Variants in ANKAR observed in about 807,000 individuals in gnomAD.
ANKAR encodes ankyrin and armadillo repeat-containing protein.
A neutral mutation model predicts 146.2 loss-of-function variants in ANKAR; 136 were observed. The ratio of observed to expected loss-of-function variants is 0.93; its 90% CI spans 0.81 to 1.07. The LOEUF (loss-of-function observed/expected upper bound fraction) is 1.07, where lower values mean the gene tolerates loss of function less well. Among genes scored for constraint, ANKAR ranks in the 50% least tolerant of loss-of-function variants. The pLI, the probability that ANKAR is intolerant of heterozygous loss-of-function variation, is 0.00. For missense variants in ANKAR, 1,567 were observed against 1,679.9 expected, an observed-to-expected ratio of 0.93 and a Z score of 1.18; for synonymous variants, 500 against 575.8, an observed-to-expected ratio of 0.87 and a Z score of 1.88.
chr2:189,750,100 C>T (rs183559823), downstream of ANKAR, among the ~76,000 whole-genome samples: 1 of 152,068 alleles, frequency 6.6e-6, no homozygotes, highest in South Asian at 2.1e-4. Flanking sequence ...GCAATCCAGC[C>T]TGGGTGACAG....
chr2:189,734,694 G>A (rs2042686941), intron 17 of ANKAR, among the ~76,000 whole-genome samples: 1 of 152,090 alleles, frequency 6.6e-6, no homozygotes, highest in Non-Finnish European at 1.5e-5. Flanking sequence ...AAAGAGAAGT[G>A]CTGCTATAAA....
chr2:189,704,345 A>T (rs565368842), intron 7 of ANKAR, among the ~76,000 whole-genome samples: 1 of 150,594 alleles, frequency 6.6e-6, no homozygotes, highest in Non-Finnish European at 1.5e-5. Flanking sequence ...CAGTTTCACC[A>T]TGTTGGCCAG....
Position 189,733,094 on chromosome 2 carries a change from A to G in ANKAR, c.3301-13A>G, listed in dbSNP as rs773861289. ...CATAATTGAAAAGTAATTTCTGAAA[A>G]CCACATGTTTAGGTTGAAGTGGCAT... is the stretch of plus-strand genomic sequence containing the variant. On this transcript the variant is annotated splice_polypyrimidine_tract_variant and intron_variant, in intron 16 of 22. Coordinates refer to ENST00000684021, the MANE Select transcript of ANKAR (RefSeq NM_001378068.1). The G allele has an allele frequency of 2.5e-6, 4 of 1,592,522 alleles. No individual in the cohort carries two copies. The highest frequency in any genetic ancestry group is 3.4e-6 in the Non-Finnish European group (4 of 1,171,340).
intron 19 of ANKAR, among the ~76,000 whole-genome samples, chr2:189,740,086 C>T (rs2043188688): frequency 6.6e-6 from 1 of 152,096 alleles, no homozygotes; most frequent in Non-Finnish European, 1.5e-5. Flanking sequence ...GACATGGTTT[C>T]CAGAAGATGC....
At chr2:189,693,235 A>G (rs1049842311) in intron 5 of ANKAR, 58 bp downstream of exon 5, 3 of 1,095,256 alleles carry the variant, frequency 2.7e-6, no homozygotes, top group Non-Finnish European at 2.7e-6. Flanking sequence ...GTTAGTAGAG[A>G]ACAAAGAAAA....
chr2:189,753,097 G>T, intron 18 of ANKAR: 1 of 889,948 alleles, frequency 1.1e-6, no homozygotes, highest in Non-Finnish European at 1.6e-6. Flanking sequence ...TTTTGAGATG[G>T]GTAATGGGCA....
chr2:189,721,532 T>C (rs1444715563), intron 12 of ANKAR, among the ~76,000 whole-genome samples: 1 of 152,166 alleles, frequency 6.6e-6, no homozygotes. Flanking sequence ...TGTTAGATAT[T>C]TGACGTCAAA....
At position 189,752,277 on chromosome 2, in the gene ANKAR, C is replaced by T. The variant is rs537909863; in HGVS notation, c.*584+7489C>T. ...TGTGTAAGAGCATAATCACAACCCA[C>T]TCTCACACCTGAATGCTTTCTGCAT... On this transcript the variant is annotated intron_variant and NMD_transcript_variant, in intron 18 of 18. Coordinates refer to the ANKAR transcript ENST00000441800. Among the ~76,000 whole-genome samples, 710 of 152,338 alleles carry T rather than the reference C, an allele frequency of 4.7e-3. 7 individuals carry two copies. Among genetic ancestry groups the T allele is most frequent in the South Asian group, 9.5e-3 (46 of 4,826 alleles).
Position 189,696,209 on chromosome 2 carries a change from A to G in ANKAR, c.1548A>G (p.Thr516=). 6.2e-7 allele frequency: 1 copy of G among 1,614,056 alleles called. No individual in the cohort carries two copies. Among genetic ancestry groups the G allele is most frequent in the Non-Finnish European group, 8.5e-7 (1 of 1,179,992 alleles). Residue 516 remains threonine (T), a synonymous_variant, in exon 7 of 23, where the codon ACA becomes ACG. Transcript: ENST00000684021. ...VERGLSAVFH[T]FSRKTSSSTI... The stretch of plus-strand genomic sequence containing the variant: ...GAGGGTTGTCTGCAGTTTTCCACAC[A>G]TTTAGCCGTAAAACCTCAAGCTCAA...
intron 20 of ANKAR, among the ~76,000 whole-genome samples, chr2:189,742,905 G>GACACAC (rs397987025): frequency 5.7e-4 from 19 of 33,500 alleles, no homozygotes; most frequent in East Asian, 1.9e-3. Context: ...AGAATTACCT[G>GACACAC]ACACACACAC....
chr2:189,693,407 T>G (rs1021909902), intron 5 of ANKAR, among the ~76,000 whole-genome samples: 1 of 152,348 alleles, frequency 6.6e-6, no homozygotes, highest in East Asian at 1.9e-4. Flanking sequence ...TAATTAGTTC[T>G]TATAATTAAC....
chr2:189,720,598 A>AT lies in ANKAR; in HGVS notation c.2467-13dup, dbSNP rs759051107. 1.6e-4 allele frequency: 205 copies of AT among 1,309,564 alleles called. No homozygotes were observed. The African/African-American group carries it at 1.9e-3, about 12-fold the overall frequency. 81.1% of individuals were successfully genotyped at this position (1,309,564 alleles called of 1,614,324 possible). On this transcript the variant is annotated intron_variant, in intron 11 of 22. Coordinates refer to ENST00000684021, the MANE Select transcript of ANKAR (RefSeq NM_001378068.1). ...TTTATCTTAAACAAATTCAAATGTA[A>AT]TTTTTTTTGTTTATTTTTAGAATGG... is the stretch of plus-strand genomic sequence containing the variant.
At chr2:189,754,548 G>A in intron 18 of ANKAR, 2 of 527,154 alleles carry the variant, frequency 3.8e-6, no homozygotes, top group Non-Finnish European at 6.6e-6. Flanking sequence ...ACAATAAGAG[G>A]CCAATCACTG....
chr2:189,680,642 G>A (rs566225856), intron 2 of ANKAR, among the ~76,000 whole-genome samples: 7 of 151,830 alleles, frequency 4.6e-5, no homozygotes, highest in South Asian at 2.1e-4. Context: ...CACTATTATC[G>A]TTTGGTTCAA....
At chr2:189,728,896 T>C in intron 15 of ANKAR, 75 bp downstream of exon 15, 1 of 1,354,420 alleles carries the variant, frequency 7.4e-7, no homozygotes, top group South Asian at 1.4e-5. Context: ...TGGAAATTAA[T>C]CTCTCTTCCT....
chr2:189,760,824 A>G (rs1559177256), intron 18 of ANKAR, among the ~76,000 whole-genome samples: 1 of 152,020 alleles, frequency 6.6e-6, no homozygotes, highest in Non-Finnish European at 1.5e-5. Context: ...CTGGATTTCC[A>G]TTTTCCCTTG....
At chr2:189,704,887 T>C (rs2038709283) in intron 7 of ANKAR, 136 bp from the exon 8 acceptor site, 1 of 655,574 alleles carries the variant, frequency 1.5e-6, no homozygotes, top group East Asian at 2.9e-5. Flanking sequence ...GTTGTCTAAA[T>C]TTTTTTTTAA....
chr2:189,720,902 T>TA, intron 12 of ANKAR, 115 bp downstream of exon 12: 6 of 807,256 alleles, frequency 7.4e-6, no homozygotes, highest in Non-Finnish European at 1.1e-5. Flanking sequence ...TGAATAGATC[T>TA]AAACGTGTAA....
At chr2:189,754,220 A>G in intron 18 of ANKAR, 5 of 1,613,906 alleles carry the variant, frequency 3.1e-6, no homozygotes, top group Non-Finnish European at 4.2e-6. Context: ...AATTTTTAGC[A>G]TGATGCAAGG....
Sources: gnomAD v4.1 joint callset for allele counts (sites outside exome capture counted in the v4.1 genomes callset) on GRCh38, gnomAD v4.1.1 for gene constraint, MANE v1.5 for transcripts, NCBI Gene and HGNC (gene_info 2026-07-23, HGNC 2026-07-21) for gene names.